SMURF1: variants seen among roughly 807,000 people sequenced by gnomAD.
SMURF1 encodes the protein SMAD specific E3 ubiquitin protein ligase 1.
A neutral mutation model predicts 98.0 loss-of-function variants in SMURF1; 44 were observed. The ratio of observed to expected loss-of-function variants is 0.45; its 90% CI spans 0.35 to 0.58. SMURF1 has a LOEUF of 0.58. SMURF1 is among the 20% of genes least tolerant of loss of function. The pLI, the probability that SMURF1 is intolerant of heterozygous loss-of-function variation, is 0.00. For missense variants in SMURF1, 687 were observed against 938.4 expected (o/e 0.73, Z 3.50); for synonymous variants, 396 against 374.9 (o/e 1.06, Z -0.65).
intron 5 of SMURF1, 76 bp downstream of exon 5, chr7:99,057,129 T>C (rs755460375): frequency 1.3e-6 from 2 of 1,514,006 alleles, no homozygotes; most frequent in Non-Finnish European, 1.8e-6. Flanking sequence ...AGTGCCTGTA[T>C]GTGAGTTCTC....
At chr7:99,041,755 A>G (rs954053947) in intron 12 of SMURF1, among the ~76,000 whole-genome samples, 2 of 152,222 alleles carry the variant, frequency 1.3e-5, no homozygotes, top group African/African-American at 4.8e-5. Context: ...TAGTTCTGGA[A>G]AGATTCCAGT....
rs1794979940 is a variant in SMURF1, at chr7:99,033,112, C to G, written c.2021G>C (p.Gly674Ala). ...QGFKALQGST[G>A]AAGPRLFTIH... ...GGTGAACAGCCGGGGCCCTGCCGCG[C>G]CTGTAGAACCTTACAAGACAACATT... is the stretch of plus-strand genomic sequence containing the variant. The change falls in exon 17 of 18, where the codon GGC becomes GCC. Residue 674 changes from glycine (G) to alanine (A), a missense_variant. By Grantham distance (60) the Gly-to-Ala change is moderately conservative. This residue lies in a region of SMURF1 where 272 missense variants were observed against 430.0 expected (regional missense o/e 0.63). Transcript: ENST00000361368. 6.3e-6 allele frequency: 10 copies of G among 1,577,746 alleles called. No individual in the cohort carries two copies. Among genetic ancestry groups the G allele is most frequent in the African/African-American group, 2.7e-5 (2 of 74,280 alleles).
intron 1 of SMURF1, among the ~76,000 whole-genome samples, chr7:99,076,265 G>C (rs1226585292): frequency 1.3e-5 from 2 of 152,154 alleles, no homozygotes; most frequent in African/African-American, 4.8e-5. Context: ...AGTATGGAAA[G>C]AGAGGAAAAA....
intron 2 of SMURF1, among the ~76,000 whole-genome samples, chr7:99,061,325 T>C (rs1224457441): frequency 2.0e-5 from 3 of 152,252 alleles, no homozygotes; most frequent in South Asian, 4.1e-4. Context: ...ACTGACCAGA[T>C]ACTGCATGAC....
At chr7:99,132,398 C>G (rs1050470947) in intron 1 of SMURF1, among the ~76,000 whole-genome samples, 7 of 152,172 alleles carry the variant, frequency 4.6e-5, no homozygotes, top group Non-Finnish European at 1.0e-4. Context: ...AGTAAACAGA[C>G]AGCAAGGACC....
At chr7:99,137,054 C>T (rs558109225) in intron 1 of SMURF1, among the ~76,000 whole-genome samples, 1 of 152,280 alleles carries the variant, frequency 6.6e-6, no homozygotes, top group Non-Finnish European at 1.5e-5. Flanking sequence ...GCTTCTAACA[C>T]TATTTCTCTA....
At chr7:99,055,229 A>G (rs1378568501) in intron 5 of SMURF1, among the ~76,000 whole-genome samples, 1 of 152,040 alleles carries the variant, frequency 6.6e-6, no homozygotes, top group African/African-American at 2.4e-5. Flanking sequence ...GCACTTTGGG[A>G]GGCCAAGAAG....
intron 1 of SMURF1, among the ~76,000 whole-genome samples, chr7:99,090,258 C>T (rs574709864): frequency 6.6e-6 from 1 of 152,212 alleles, no homozygotes; most frequent in Admixed American, 6.5e-5. Context: ...GAGAAGGGGC[C>T]GTTTTAAACA....
At chr7:99,105,540 G>A (rs1433899775) in intron 1 of SMURF1, among the ~76,000 whole-genome samples, 1 of 151,986 alleles carries the variant, frequency 6.6e-6, no homozygotes, top group South Asian at 2.1e-4. Flanking sequence ...TCTATCATAG[G>A]GACTAGTCTT....
chr7:99,082,329 T>C (rs975694163), intron 1 of SMURF1, among the ~76,000 whole-genome samples: 1 of 152,242 alleles, frequency 6.6e-6, no homozygotes. Flanking sequence ...GCTTTGTTTG[T>C]CATATCTAAG....
In SMURF1 at chr7:99,129,455, A is replaced by C. The variant is rs142394131; in HGVS notation, c.55+14271T>G. Among the ~76,000 whole-genome samples the C allele has an allele frequency of 5.9e-5, 9 of 152,350 alleles. 1 individual carries two copies. In the South Asian group the frequency reaches 1.7e-3, roughly 28 times the overall value. ...CACCCAGGCTAGAGTGCAGTGGCAC[A>C]ATCACAGCTCATTGTAGCCTCAACC... On this transcript the variant is annotated intron_variant, in intron 1 of 17. Transcript: ENST00000361368.
At chr7:99,057,933 A>G (rs1354691679) in intron 3 of SMURF1, among the ~76,000 whole-genome samples, 1 of 151,860 alleles carries the variant, frequency 6.6e-6, no homozygotes, top group Non-Finnish European at 1.5e-5. Context: ...TCTCATTGAG[A>G]TTTTCTCTTT....
intron 1 of SMURF1, among the ~76,000 whole-genome samples, chr7:99,113,009 TAAAG>T (rs1294559568): frequency 6.6e-6 from 1 of 152,008 alleles, no homozygotes; most frequent in African/African-American, 2.4e-5. Flanking sequence ...TTTTTTTAAA[TAAAG>T]AGAGTCTAAG....
chr7:99,056,688 A>AT (rs2150533235), intron 5 of SMURF1, among the ~76,000 whole-genome samples: 1 of 152,246 alleles, frequency 6.6e-6, no homozygotes, highest in African/African-American at 2.4e-5. Context: ...TACCCGAGTC[A>AT]TTTTTACTCA....
At chr7:99,093,428 C>T (rs968706974) in intron 1 of SMURF1, among the ~76,000 whole-genome samples, 2 of 152,036 alleles carry the variant, frequency 1.3e-5, no homozygotes, top group South Asian at 2.1e-4. Context: ...AAAGGATTAA[C>T]GCCACATTGA....
At chr7:99,137,699 G>GT (rs1024709644) in intron 1 of SMURF1, among the ~76,000 whole-genome samples, 17 of 152,376 alleles carry the variant, frequency 1.1e-4, no homozygotes, top group African/African-American at 3.8e-4. Context: ...TTCAGCTGCA[G>GT]TGGAGGTGAA....
chr7:99,058,140 TA>T (rs1795931443), intron 3 of SMURF1, among the ~76,000 whole-genome samples: 1 of 152,116 alleles, frequency 6.6e-6, no homozygotes, highest in East Asian at 1.9e-4. Flanking sequence ...TTTATTTTTT[TA>T]TTTTTTTGAG....
At chr7:99,099,507 GA>G (rs1377478991) in intron 1 of SMURF1, among the ~76,000 whole-genome samples, 2 of 152,134 alleles carry the variant, frequency 1.3e-5, no homozygotes, top group African/African-American at 4.8e-5. Context: ...GATAGGGGGG[GA>G]AATGCCATTA....
At chr7:99,063,410 A>G (rs1796113520) in intron 1 of SMURF1, among the ~76,000 whole-genome samples, 1 of 148,388 alleles carries the variant, frequency 6.7e-6, no homozygotes, top group African/African-American at 2.5e-5. Context: ...CTCCAGCCTC[A>G]GCCTCTCGAG....
Sources: allele counts gnomAD v4.1 joint callset (sites outside exome capture counted in the v4.1 genomes callset), GRCh38; gene constraint gnomAD v4.1.1; regional missense constraint gnomAD v4.1.1; transcripts MANE v1.5; gene names NCBI Gene and HGNC (gene_info 2026-07-23, HGNC 2026-07-21).